Variants in AOPEP observed in about 807,000 individuals in gnomAD.
The protein encoded by AOPEP is aminopeptidase O (putative), also known as aminopeptidase O.
Under a neutral mutation model 98.1 loss-of-function variants are expected in AOPEP, and 77 were observed. That is an observed-to-expected ratio of 0.78 (90% CI 0.65 to 0.95). The LOEUF is 0.95. AOPEP is among the 40% of genes least tolerant of loss of function. The pLI, the probability that AOPEP is intolerant of heterozygous loss-of-function variation, is 0.00. For missense variants in AOPEP, 1,024 were observed against 1,024.7 expected (o/e 1.00, Z 0.01); for synonymous variants, 346 against 365.3 (o/e 0.95, Z 0.60).
At chr9:95,146,391 G>A in the AOPEP span, among the ~76,000 whole-genome samples, 2 of 150,502 alleles carry the variant, frequency 1.3e-5, no homozygotes, top group South Asian at 2.1e-4. Context: ...AGGAGGCTGA[G>A]GTGGGAGGAT....
At chr9:94,918,793 G>T (rs1450871932) in intron 5 of AOPEP, among the ~76,000 whole-genome samples, 2 of 152,156 alleles carry the variant, frequency 1.3e-5, no homozygotes, top group Non-Finnish European at 2.9e-5. Context: ...AAGATGTTTG[G>T]GTACAAGAAT....
At chr9:94,957,371 C>CAG (rs1335382291) in intron 9 of AOPEP, among the ~76,000 whole-genome samples, 2 of 152,154 alleles carry the variant, frequency 1.3e-5, no homozygotes, top group Admixed American at 1.3e-4. Flanking sequence ...CGACACCCTG[C>CAG]TAATTTTTGT....
intron 5 of AOPEP, among the ~76,000 whole-genome samples, chr9:94,804,016 A>G (rs1439426221): frequency 6.6e-6 from 1 of 152,224 alleles, no homozygotes; most frequent in Admixed American, 6.5e-5. Flanking sequence ...AAGTACACAC[A>G]GCTCTCTTCC....
chr9:94,759,926 AG>A lies in AOPEP; in HGVS notation c.145del (p.Asp49MetfsTer36). 6.2e-7 allele frequency: 1 copy of A among 1,614,184 alleles called. No homozygotes were observed. The highest frequency in any genetic ancestry group is 8.5e-7 in the Non-Finnish European group (1 of 1,180,046). On this transcript the variant is annotated frameshift_variant, in exon 2 of 17. Transcript: ENST00000375315. LOFTEE classifies it high-confidence loss of function. ...GAGGGGACCATAGTGCTTTTCCTCG[AG>A]GATGGAAACAGATTCAAGAAACAGA... Reference protein sequence around the residue: ...VIEGTIVLFLEDGNRFKKQNS... With the variant: ...VIEGTIVLFLXDGNRFKKQNS...
At chr9:95,023,297 C>T (rs1587653726) in intron 13 of AOPEP, among the ~76,000 whole-genome samples, 1 of 152,156 alleles carries the variant, frequency 6.6e-6, no homozygotes, top group Non-Finnish European at 1.5e-5. Flanking sequence ...GGAAGAATGA[C>T]GATGAGGGCA....
intron 9 of AOPEP, among the ~76,000 whole-genome samples, chr9:94,958,869 T>C (rs541894553): frequency 1.3e-5 from 2 of 152,320 alleles, no homozygotes; most frequent in South Asian, 4.1e-4. Flanking sequence ...CACAAAAGTT[T>C]TTAATTTTGA....
At chr9:94,811,712 G>A (rs374355755) in intron 5 of AOPEP, among the ~76,000 whole-genome samples, 1 of 152,192 alleles carries the variant, frequency 6.6e-6, no homozygotes, top group African/African-American at 2.4e-5. Context: ...GCCTGCCCAG[G>A]CCCCTGTGCC....
chr9:94,727,334 T>A (rs1829434289), intron 1 of AOPEP, among the ~76,000 whole-genome samples: 1 of 152,340 alleles, frequency 6.6e-6, no homozygotes, highest in East Asian at 1.9e-4. Context: ...TATGATTATC[T>A]ATTGTGATAA....
chr9:94,790,766 G>C (rs187163), intron 3 of AOPEP, among the ~76,000 whole-genome samples: 34,324 of 151,840 alleles, frequency 0.23, 5,635 homozygotes, highest in African/African-American at 0.46. Flanking sequence ...TTGGTTTTTA[G>C]TGGTAAAGCA....
At chr9:94,987,423 C>T (rs2060590500) in intron 11 of AOPEP, among the ~76,000 whole-genome samples, 1 of 152,166 alleles carries the variant, frequency 6.6e-6, no homozygotes, top group South Asian at 2.1e-4. Flanking sequence ...ACTCAGTGTG[C>T]CTGTTTGAAC....
At chr9:94,820,245 C>G (rs1275320276) in intron 5 of AOPEP, among the ~76,000 whole-genome samples, 1 of 152,136 alleles carries the variant, frequency 6.6e-6, no homozygotes, top group Non-Finnish European at 1.5e-5. Context: ...CGCGCCTGGC[C>G]AGTGCAATTC....
Position 94,759,702 on chromosome 9 carries a change from C to A in AOPEP, c.-82C>A. 9.3e-7 allele frequency: 1 copy of A among 1,081,048 alleles called. No homozygotes were observed. Among genetic ancestry groups the A allele is most frequent in the East Asian group, 2.4e-5 (1 of 40,956 alleles). The allele number at this position is 1,081,048 out of a possible 1,614,324, so 67.0% of individuals were successfully genotyped here. A position where few individuals can be genotyped will look rare whatever the true frequency, so the allele number is the denominator to read the frequency against. ...ATCAGTTGTTTTCTTTGATAAGCAG[C>A]TATTTATGATTCTGGAAGATTAAGG... On this transcript the variant is annotated 5_prime_UTR_variant, in exon 2 of 17. Transcript: ENST00000375315.
At chr9:95,100,292 C>T in the AOPEP span, 1 of 232,878 alleles carries the variant, frequency 4.3e-6, no homozygotes. Flanking sequence ...ACTTTACCAG[C>T]ACACCCTTCT....
chr9:94,862,964 G>C (rs922458852), intron 5 of AOPEP, among the ~76,000 whole-genome samples: 1 of 152,200 alleles, frequency 6.6e-6, no homozygotes, highest in Non-Finnish European at 1.5e-5. Flanking sequence ...CGAGTAATAG[G>C]TTTAAAAAGA....
chr9:94,876,020 G>A (rs1379876645), intron 5 of AOPEP, among the ~76,000 whole-genome samples: 3 of 152,148 alleles, frequency 2.0e-5, no homozygotes, highest in Admixed American at 6.5e-5. Flanking sequence ...AAAGAGCAAG[G>A]AGTTCACAAG....
rs75234475 is a variant in AOPEP at position 94,979,407 on chromosome 9, G to C, written c.1957G>C (p.Glu653Gln). The change falls in exon 11 of 17, where the codon GAG (glutamate) becomes CAG (glutamine). Residue 653 changes from glutamate to glutamine, a missense_variant. Transcript: ENST00000375315. ...SVENIYQDWL[E>Q]SSGIPKPLQR... ...TGAAAACATCTACCAAGACTGGCTT[G>C]AGAGTTCCGGAATACCAAAGGTAAC... 8.1e-6 allele frequency: 13 copies of C among 1,597,600 alleles called. No homozygotes were observed. In the South Asian group the frequency reaches 1.5e-4, roughly 18 times the overall value.
intron 1 of AOPEP, among the ~76,000 whole-genome samples, chr9:94,756,010 A>C (rs1017278810): frequency 6.6e-6 from 1 of 152,200 alleles, no homozygotes; most frequent in African/African-American, 2.4e-5. Context: ...CTGTGATCCC[A>C]GCACTTTGGG....
intron 11 of AOPEP, among the ~76,000 whole-genome samples, chr9:95,002,175 G>T (rs2132606904): frequency 6.6e-6 from 1 of 152,278 alleles, no homozygotes; most frequent in Non-Finnish European, 1.5e-5. Context: ...AAGCATTTTA[G>T]TGGTGAAACA....
the AOPEP span, among the ~76,000 whole-genome samples, chr9:95,136,034 T>A: frequency 6.6e-6 from 1 of 152,192 alleles, no homozygotes; most frequent in African/African-American, 2.4e-5. Context: ...ATTAGCACAG[T>A]GCTTGGCACA....
Sources: gnomAD v4.1 joint callset for allele counts (sites outside exome capture counted in the v4.1 genomes callset) on GRCh38, gnomAD v4.1.1 for gene constraint, MANE v1.5 for transcripts, NCBI Gene and HGNC (gene_info 2026-07-23, HGNC 2026-07-21) for gene names.